The following EGFR variants were observed in gnomAD, a reference collection of about 807,000 sequenced individuals.
EGFR encodes avian erythroblastic leukemia viral (v-erb-b) oncogene homolog.
A neutral mutation model predicts 143.0 loss-of-function variants in EGFR; 58 were observed. That is an observed-to-expected ratio of 0.41 (90% CI 0.33 to 0.50). The LOEUF is 0.50. Ranked by LOEUF, EGFR falls within the 20% of genes least tolerant of loss-of-function variation. The pLI is 0.39. For missense variants in EGFR, 1,307 were observed against 1,579.0 expected (o/e 0.83, Z 2.92); for synonymous variants, 613 against 594.4 (o/e 1.03, Z -0.45).
rs182002674 is a variant in EGFR at position 55,155,852 on chromosome 7, C to A, written c.912C>A (p.His304Gln). 1.9e-6 allele frequency: 3 copies of A among 1,613,818 alleles called. No homozygotes were observed. The highest frequency in any genetic ancestry group is 1.7e-6 in the Non-Finnish European group (2 of 1,179,850). ...CAGGTAATTATGTGGTGACAGATCACGGCTCGTGCGTCCGAGCCTGTGGGG... is the reference window on the plus strand; with the variant it reads ...CAGGTAATTATGTGGTGACAGATCAAGGCTCGTGCGTCCGAGCCTGTGGGG... The part of the protein sequence containing the change: ...KCPRNYVVTD[H>Q]GSCVRACGAD... The change falls in exon 8 of 28, where the codon CAC (histidine) becomes CAA (glutamine). Residue 304 changes from histidine to glutamine, a missense_variant. Physicochemically the swap from His to Gln is conservative, Grantham distance 24. Transcript: ENST00000275493.
At chr7:55,093,604 C>T (rs1434950226) in intron 1 of EGFR, among the ~76,000 whole-genome samples, 2 of 152,184 alleles carry the variant, frequency 1.3e-5, no homozygotes, top group Non-Finnish European at 2.9e-5. Flanking sequence ...AATCTTCTTT[C>T]ATAGAAATGG....
chr7:55,179,064 C>T (rs796420162), intron 19 of EGFR, among the ~76,000 whole-genome samples: 16 of 152,336 alleles, frequency 1.1e-4, no homozygotes, highest in African/African-American at 3.8e-4. Context: ...CTTGAGTCAA[C>T]GTAAGAGCAA....
At chr7:55,074,906 G>A (rs1006564561) in intron 1 of EGFR, among the ~76,000 whole-genome samples, 1 of 152,118 alleles carries the variant, frequency 6.6e-6, no homozygotes, top group African/African-American at 2.4e-5. Context: ...AGATTGCATG[G>A]TATTTTAGAA....
Position 55,181,332 on chromosome 7 carries a change from T to G in EGFR, c.2323T>G (p.Cys775Gly). The change falls in exon 20 of 28, where the codon TGC becomes GGC. Residue 775 changes from cysteine (C) to glycine (G), a missense_variant. Physicochemically the swap from Cys to Gly is radical, Grantham distance 159 (BLOSUM62 -3). Transcript: ENST00000275493. ...GGCCAGCGTGGACAACCCCCACGTGTGCCGCCTGCTGGGCATCTGCCTCAC... is the reference window on the plus strand; with the variant it reads ...GGCCAGCGTGGACAACCCCCACGTGGGCCGCCTGCTGGGCATCTGCCTCAC... ...VMASVDNPHV[C>G]RLLGICLTST... 2 of 1,614,208 alleles carry G rather than the reference T, an allele frequency of 1.2e-6. No homozygotes were observed. Among genetic ancestry groups the G allele is most frequent in the Non-Finnish European group, 1.7e-6 (2 of 1,180,036 alleles).
At chr7:55,044,897 G>A (rs1166344288) in intron 1 of EGFR, among the ~76,000 whole-genome samples, 1 of 152,202 alleles carries the variant, frequency 6.6e-6, no homozygotes, top group Non-Finnish European at 1.5e-5. Context: ...GAGGTTCTGC[G>A]ATTGTCTAAG....
At chr7:55,097,820 CA>C (rs796598124) in intron 1 of EGFR, among the ~76,000 whole-genome samples, 2,959 of 138,950 alleles carry the variant, frequency 0.021, 79 homozygotes, top group African/African-American at 0.068. Flanking sequence ...TCCCATTTGT[CA>C]AAAAAAAAAA....
Position 55,066,219 on chromosome 7 carries a change from A to G in EGFR, c.88+46854A>G, listed in dbSNP as rs1789491794. ...GGCAGTTGACATTTCTGAAAACTAC[A>G]GCCTACATTTTTAAAAAATCCAGTA... On this transcript the variant is annotated intron_variant, in intron 1 of 27. Coordinates refer to ENST00000275493, the MANE Select transcript of EGFR (RefSeq NM_005228.5). 1.3e-5 allele frequency among the ~76,000 whole-genome samples: 2 copies of G among 152,226 alleles called. 1 individual carries two copies. Among genetic ancestry groups the G allele is most frequent in the South Asian group, 4.1e-4 (2 of 4,836 alleles).
Position 55,030,698 on chromosome 7 carries a change from T to C in EGFR, c.88+11333T>C, listed in dbSNP as rs540129652. On this transcript the variant is annotated intron_variant, in intron 1 of 27. Coordinates refer to ENST00000275493, the MANE Select transcript of EGFR (RefSeq NM_005228.5). ...TATGATTTAAATGAAGGCATACACT[T>C]AACCTCTTTAGGGTGTGAAACAGCT... Among the ~76,000 whole-genome samples, 38 of 152,360 alleles carry C rather than the reference T, an allele frequency of 2.5e-4. No individual in the cohort carries two copies. The South Asian group carries it at 7.5e-3, about 30-fold the overall frequency.
At chr7:55,143,627 G>C (rs1248079471) in intron 3 of EGFR, 139 bp downstream of exon 3, 2 of 930,070 alleles carry the variant, frequency 2.2e-6, no homozygotes, top group Non-Finnish European at 3.3e-6. Context: ...AGTGCCGGCT[G>C]TGTGTAAGAT....
chr7:55,095,413 G>A (rs1158464522), intron 1 of EGFR, among the ~76,000 whole-genome samples: 1 of 152,220 alleles, frequency 6.6e-6, no homozygotes, highest in African/African-American at 2.4e-5. Context: ...AGGCAGGCGT[G>A]CCACAGTCAT....
chr7:55,162,225 G>A (rs531552167), intron 13 of EGFR, among the ~76,000 whole-genome samples: 3 of 152,334 alleles, frequency 2.0e-5, no homozygotes, highest in South Asian at 4.1e-4. Context: ...GGCTTTGAAC[G>A]ACAAATGAGG....
intron 1 of EGFR, among the ~76,000 whole-genome samples, chr7:55,140,061 T>C (rs762212795): frequency 4.6e-5 from 7 of 151,726 alleles, no homozygotes; most frequent in Admixed American, 1.3e-4. Flanking sequence ...GGGGGGTCAT[T>C]TGGGGCTTAT....
chr7:55,064,398 G>T (rs1789377520), intron 1 of EGFR, among the ~76,000 whole-genome samples: 1 of 152,204 alleles, frequency 6.6e-6, no homozygotes, highest in African/African-American at 2.4e-5. Context: ...AGAGCAGCTT[G>T]TGTTGCCTTG....
intron 24 of EGFR, 185 bp downstream of exon 24, chr7:55,200,598 G>C (rs1787803897): frequency 1.5e-6 from 1 of 669,274 alleles, no homozygotes; most frequent in Non-Finnish European, 2.7e-6. Flanking sequence ...GCATCCGTGA[G>C]TGGGGCCCAC....
At chr7:55,077,118 A>G (rs1366575105) in intron 1 of EGFR, among the ~76,000 whole-genome samples, 1 of 152,142 alleles carries the variant, frequency 6.6e-6, no homozygotes, top group East Asian at 1.9e-4. Context: ...CATGAGGTCA[A>G]TTACAGATTA....
At chr7:55,130,074 A>G (rs377751537) in intron 1 of EGFR, among the ~76,000 whole-genome samples, 4,404 of 139,266 alleles carry the variant, frequency 0.032, 234 homozygotes, top group African/African-American at 0.1. Flanking sequence ...GTGAAGCTGA[A>G]AACATTTACT....
chr7:55,079,166 C>T (rs540842352), intron 1 of EGFR, among the ~76,000 whole-genome samples: 2 of 152,042 alleles, frequency 1.3e-5, no homozygotes, highest in Admixed American at 6.5e-5. Context: ...TAAGGCTGGG[C>T]GGGGGCGGGA....
intron 1 of EGFR, among the ~76,000 whole-genome samples, chr7:55,041,445 C>A (rs184747367): frequency 7.2e-5 from 11 of 152,078 alleles, no homozygotes; most frequent in African/African-American, 2.7e-4. Flanking sequence ...TACATAAAAA[C>A]GTGGAGTGAG....
At chr7:55,191,575 G>T (rs1787394834) in intron 20 of EGFR, 144 bp from the exon 21 acceptor site, 1 of 993,648 alleles carries the variant, frequency 1.0e-6, no homozygotes, top group Non-Finnish European at 1.5e-6. Context: ...TCCATTCTTT[G>T]GATCAGTAGT....
Sources: gnomAD v4.1 joint callset for allele counts (sites outside exome capture counted in the v4.1 genomes callset) on GRCh38, gnomAD v4.1.1 for gene constraint, MANE v1.5 for transcripts, NCBI Gene and HGNC (gene_info 2026-07-23, HGNC 2026-07-21) for gene names.